SEMG2: variants seen among roughly 807,000 people sequenced by gnomAD.
The protein encoded by SEMG2 is semenogelin-2.
SEMG2 carries 3 observed loss-of-function variants against 8.1 expected under a neutral mutation model. The ratio of observed to expected loss-of-function variants is 0.37; its 90% CI spans 0.17 to 0.96. The LOEUF is 0.96. SEMG2 is among the 40% of genes least tolerant of loss of function. The pLI is 0.41. For missense variants in SEMG2, 726 were observed against 671.2 expected (o/e 1.08, Z -0.90); for synonymous variants, 252 against 231.4 (o/e 1.09, Z -0.81).
chr20:45,222,240 T>C lies in SEMG2; in HGVS notation c.608T>C (p.Val203Ala). The change falls in exon 2 of 3, where the codon GTT (valine) becomes GCT (alanine). Residue 203 changes from valine (V) to alanine (A), a missense_variant. Coordinates refer to ENST00000372769, the MANE Select transcript of SEMG2 (RefSeq NM_003008.3). ...GTTCTCCAAACTGAAGAACTAGTAGTTAACAAACAACAACGTGAGACTAAA... is the reference window on the plus strand; with the variant it reads ...GTTCTCCAAACTGAAGAACTAGTAGCTAACAAACAACAACGTGAGACTAAA... Reference protein sequence around the residue: ...SYVLQTEELVVNKQQRETKNS... With the variant: ...SYVLQTEELVANKQQRETKNS... The C allele has an allele frequency of 6.2e-7, 1 of 1,614,074 alleles. No individual in the cohort carries two copies. The highest frequency in any genetic ancestry group is 8.5e-7 in the Non-Finnish European group (1 of 1,179,992).
rs745427048 is a variant in SEMG2, at chr20:45,221,908, G to T, written c.276G>T (p.Lys92Asn). Residue 92 changes from lysine to asparagine, a missense_variant, in exon 2 of 3, where the codon AAG (lysine) becomes AAT (asparagine). Physicochemically the swap from Lys to Asn is moderately conservative, Grantham distance 94. Coordinates refer to ENST00000372769, the MANE Select transcript of SEMG2 (RefSeq NM_003008.3). ...AATATGATTTGAATGCCCTACATAA[G>T]GCGACAAAATCAAAACAACACCTAG... The part of the protein sequence containing the change: ...SQQYDLNALH[K>N]ATKSKQHLGG... 3.7e-6 allele frequency: 6 copies of T among 1,613,500 alleles called. No homozygotes were observed. Among genetic ancestry groups the T allele is most frequent in the Non-Finnish European group, 5.1e-6 (6 of 1,179,866 alleles).
Position 45,222,743 on chromosome 20 carries a change from A to C in SEMG2, c.1111A>C (p.Lys371Gln). 2 of 1,614,040 alleles carry C rather than the reference A, an allele frequency of 1.2e-6. No homozygotes were observed. Among genetic ancestry groups the C allele is most frequent in the Non-Finnish European group, 1.7e-6 (2 of 1,179,996 alleles). Reference sequence around the variant, plus strand: ...AAAGGGCATCCAGAAAGGTGTATCCAAAGGCAGTATTTCGATCCAAACTGA... The same window carrying C: ...AAAGGGCATCCAGAAAGGTGTATCCCAAGGCAGTATTTCGATCCAAACTGA... ...GEKGIQKGVSKGSISIQTEEQ... is the reference protein window; with the variant it reads ...GEKGIQKGVSQGSISIQTEEQ... The change falls in exon 2 of 3, where the codon AAA becomes CAA. Residue 371 changes from lysine to glutamine, a missense_variant. Lys to Gln is a moderately conservative substitution (Grantham distance 53, BLOSUM62 1). Transcript: ENST00000372769.
chr20:45,222,967 G>A lies in SEMG2; in HGVS notation c.1335G>A (p.Lys445=), dbSNP rs1984058762. The change falls in exon 2 of 3, where the codon AAG becomes AAA. Residue 445 remains lysine (K), a synonymous_variant. Transcript: ENST00000372769. Reference sequence around the variant, plus strand: ...AAACTGAAGAGAAAATACATGGCAAGTCTCAAAACCAGGTAACAATTCCTA... The same window carrying A: ...AAACTGAAGAGAAAATACATGGCAAATCTCAAAACCAGGTAACAATTCCTA... ...SIQTEEKIHG[K]SQNQVTIPSQ... 1 of 1,613,882 alleles carries A rather than the reference G, an allele frequency of 6.2e-7. No homozygotes were observed. Among genetic ancestry groups the A allele is most frequent in the Non-Finnish European group, 8.5e-7 (1 of 1,179,980 alleles).
In SEMG2 at chr20:45,221,870, C is replaced by T. The variant is rs867576271; in HGVS notation, c.238C>T (p.Arg80Ter). Residue 80 changes from arginine to a stop codon, truncating the protein, a stop_gained, in exon 2 of 3, where the codon CGA becomes TGA. Transcript: ENST00000372769. LOFTEE classifies it low-confidence loss of function (END_TRUNC). ...AGACATCAATGATCATGACTGGACC[C>T]GAAAAAGTCAGCAATATGATTTGAA... ...HVDINDHDWT[R>*]KSQQYDLNAL... The T allele has an allele frequency of 4.3e-6, 7 of 1,613,642 alleles. No homozygotes were observed. The highest frequency in any genetic ancestry group is 3.3e-5 in the Admixed American group (2 of 59,938).
Position 45,221,999 on chromosome 20 carries a change from T to A in SEMG2, c.367T>A (p.Phe123Ile), listed in dbSNP as rs765107670. The A allele has an allele frequency of 6.2e-7, 1 of 1,614,112 alleles. No individual in the cohort carries two copies. Among genetic ancestry groups the A allele is most frequent in the Non-Finnish European group, 8.5e-7 (1 of 1,180,004 alleles). ...GRDHDKSKGH[F>I]HMIVIHHKGG... ...AGACCATGATAAATCAAAAGGTCAT[T>A]TTCACATGATAGTTATACATCATAA... Residue 123 changes from phenylalanine (F) to isoleucine (I), a missense_variant, in exon 2 of 3, where the codon TTT becomes ATT. Phe to Ile is a conservative substitution (Grantham distance 21). Transcript: ENST00000372769.
chr20:45,223,958 T>G (rs1984084738), intron 2 of SEMG2, among the ~76,000 whole-genome samples: 2 of 152,184 alleles, frequency 1.3e-5, no homozygotes, highest in Admixed American at 1.3e-4. Flanking sequence ...GAAGGATTCC[T>G]GTTCAGATTG....
rs747025306 is a variant in SEMG2 at position 45,222,757 on chromosome 20, G to A, written c.1125G>A (p.Ser375=). Reference sequence around the variant, plus strand: ...AAGGTGTATCCAAAGGCAGTATTTCGATCCAAACTGAAGAGCAAATACATG... The same window carrying A: ...AAGGTGTATCCAAAGGCAGTATTTCAATCCAAACTGAAGAGCAAATACATG... ...IQKGVSKGSI[S]IQTEEQIHGK... The change falls in exon 2 of 3, where the codon TCG becomes TCA. Residue 375 remains serine, a synonymous_variant. Coordinates refer to ENST00000372769, the MANE Select transcript of SEMG2 (RefSeq NM_003008.3). 6.2e-6 allele frequency: 10 copies of A among 1,610,386 alleles called. No individual in the cohort carries two copies. The highest frequency in any genetic ancestry group is 1.6e-4 in the Middle Eastern group (1 of 6,070).
chr20:45,221,794 A>T lies in SEMG2; in HGVS notation c.162A>T (p.Gln54His). The T allele has an allele frequency of 6.2e-7, 1 of 1,614,180 alleles. No individual in the cohort carries two copies. The change falls in exon 2 of 3, where the codon CAA (glutamine) becomes CAT (histidine). Residue 54 changes from glutamine (Q) to histidine (H), a missense_variant. Physicochemically the swap from Gln to His is conservative, Grantham distance 24. Transcript: ENST00000372769. ...AGCACTATTTTGGACAAAAAGACCA[A>T]CAACATACTAAATCCAAAGGCAGTT... is the stretch of plus-strand genomic sequence containing the variant. Reference protein sequence around the residue: ...KGQHYFGQKDQQHTKSKGSFS... With the variant: ...KGQHYFGQKDHQHTKSKGSFS...
rs1714985529 is a variant in SEMG2 at position 45,222,855 on chromosome 20, A to G, written c.1223A>G (p.Tyr408Cys). Residue 408 changes from tyrosine to cysteine, a missense_variant, in exon 2 of 3, where the codon TAC becomes TGC. Physicochemically the swap from Tyr to Cys is radical, Grantham distance 194. Transcript: ENST00000372769. ...GGCCATAAGGAAAATAAAATATCATACCAATCTTCGAGTACAGAAGAAAGA... is the reference window on the plus strand; with the variant it reads ...GGCCATAAGGAAAATAAAATATCATGCCAATCTTCGAGTACAGAAGAAAGA... ...EYGHKENKIS[Y>C]QSSSTEERRL... is the part of the protein sequence containing the mutation. The G allele has an allele frequency of 1.2e-6, 2 of 1,613,896 alleles. No individual in the cohort carries two copies. Among genetic ancestry groups the G allele is most frequent in the Non-Finnish European group, 1.7e-6 (2 of 1,179,980 alleles).
rs765470719 is a variant in SEMG2 at position 45,223,387 on chromosome 20, T to C, written c.*6T>C. 2 of 1,586,600 alleles carry C rather than the reference T, an allele frequency of 1.3e-6. No homozygotes were observed. The highest frequency in any genetic ancestry group is 1.7e-5 in the Admixed American group (1 of 57,810). On this transcript the variant is annotated 3_prime_UTR_variant, in exon 2 of 3. Coordinates refer to ENST00000372769, the MANE Select transcript of SEMG2 (RefSeq NM_003008.3). The stretch of plus-strand genomic sequence containing the variant: ...GAAATCCAATATCTACATAGCCCTG[T>C]TGCTTAGCAACCACTTGAAAAGCTG...
In SEMG2 at chr20:45,222,991, T is replaced by C. The variant is rs1984059482; in HGVS notation, c.1359T>C (p.Pro453=). The change falls in exon 2 of 3, where the codon CCT becomes CCC. Residue 453 remains proline (P), a synonymous_variant. Transcript: ENST00000372769. ...HGKSQNQVTI[P]SQDQEHGHKE... is the part of the protein sequence containing the mutation. ...AGTCTCAAAACCAGGTAACAATTCC[T>C]AGTCAAGATCAAGAGCATGGCCATA... 2.5e-6 allele frequency: 4 copies of C among 1,613,996 alleles called. No homozygotes were observed. The highest frequency in any genetic ancestry group is 1.6e-4 in the Middle Eastern group (1 of 6,062).
chr20:45,223,734 A>T (rs1984080266), intron 2 of SEMG2, among the ~76,000 whole-genome samples: 1 of 152,218 alleles, frequency 6.6e-6, no homozygotes, highest in Non-Finnish European at 1.5e-5. Flanking sequence ...TTATGAGTTT[A>T]TGGTATACTC....
chr20:45,222,183 G>C lies in SEMG2; in HGVS notation c.551G>C (p.Gly184Ala). The C allele has an allele frequency of 6.2e-7, 1 of 1,614,156 alleles. No individual in the cohort carries two copies. The highest frequency in any genetic ancestry group is 1.1e-5 in the South Asian group (1 of 91,084). Residue 184 changes from glycine to alanine, a missense_variant, in exon 2 of 3, where the codon GGT becomes GCT. By Grantham distance (60) the Gly-to-Ala change is moderately conservative. Coordinates refer to ENST00000372769, the MANE Select transcript of SEMG2 (RefSeq NM_003008.3). ...EQASASGAQK[G>A]RTQGGSQSSY... ...GCTTCAGCCTCTGGTGCACAAAAAG[G>C]TAGAACACAAGGTGGATCCCAAAGC...
In SEMG2 at chr20:45,222,546, T is replaced by C. The variant is rs1984045756; in HGVS notation, c.914T>C (p.Val305Ala). ...CAACTTCACCATGGAGAAAAGAGTG[T>C]ACAGAAAGATGTATCCAAAGGCAGC... The part of the protein sequence containing the change: ...ERQLHHGEKS[V>A]QKDVSKGSIS... The change falls in exon 2 of 3, where the codon GTA becomes GCA. Residue 305 changes from valine (V) to alanine (A), a missense_variant. Coordinates refer to ENST00000372769, the MANE Select transcript of SEMG2 (RefSeq NM_003008.3). 1 of 1,614,076 alleles carries C rather than the reference T, an allele frequency of 6.2e-7. No individual in the cohort carries two copies. The highest frequency in any genetic ancestry group is 8.5e-7 in the Non-Finnish European group (1 of 1,180,002).
intron 1 of SEMG2, 51 bp downstream of exon 1, chr20:45,221,516 C>G (rs1308959599): frequency 1.2e-6 from 2 of 1,602,408 alleles, no homozygotes; most frequent in Admixed American, 3.4e-5. Context: ...AAAATGGCCT[C>G]TAAGGATATT....
rs758239329 is a variant in SEMG2 at position 45,222,003 on chromosome 20, A to G, written c.371A>G (p.His124Arg). The change falls in exon 2 of 3, where the codon CAC becomes CGC. Residue 124 changes from histidine (H) to arginine (R), a missense_variant. Transcript: ENST00000372769. The part of the protein sequence containing the change: ...RDHDKSKGHF[H>R]MIVIHHKGGQ... ...CATGATAAATCAAAAGGTCATTTTC[A>G]CATGATAGTTATACATCATAAAGGA... is the stretch of plus-strand genomic sequence containing the variant. 9 of 1,614,022 alleles carry G rather than the reference A, an allele frequency of 5.6e-6. No homozygotes were observed. The South Asian group carries it at 6.6e-5, about 12-fold the overall frequency.
rs1258362154 is a variant in SEMG2 at position 45,221,876 on chromosome 20, AG to A, written c.245del (p.Ser82IlefsTer6). 1 of 1,614,060 alleles carries A rather than the reference AG, an allele frequency of 6.2e-7. No homozygotes were observed. Among genetic ancestry groups the A allele is most frequent in the Non-Finnish European group, 8.5e-7 (1 of 1,179,992 alleles). ...CAATGATCATGACTGGACCCGAAAA[AG>A]TCAGCAATATGATTTGAATGCCCTA... is the stretch of plus-strand genomic sequence containing the variant. ...DINDHDWTRKSQQYDLNALHK... is the reference protein window; with the variant it reads ...DINDHDWTRKXQQYDLNALHK... On this transcript the variant is annotated frameshift_variant, in exon 2 of 3. Coordinates refer to ENST00000372769, the MANE Select transcript of SEMG2 (RefSeq NM_003008.3). LOFTEE classifies it low-confidence loss of function (END_TRUNC).
Position 45,223,994 on chromosome 20 carries a change from G to A in SEMG2, c.*45-297G>A, listed in dbSNP as rs114515738. On this transcript the variant is annotated intron_variant, in intron 2 of 2. Transcript: ENST00000372769. ...TGAAAAAGGAAGTGGAAATGGAGGTGCAGGAGATGCTGAGAGATCTCAGGT... is the reference window on the plus strand; with the variant it reads ...TGAAAAAGGAAGTGGAAATGGAGGTACAGGAGATGCTGAGAGATCTCAGGT... Among the ~76,000 whole-genome samples the A allele has an allele frequency of 2.8e-3, 432 of 152,316 alleles. 3 individuals carry two copies. The highest frequency in any genetic ancestry group is 9.8e-3 in the African/African-American group (408 of 41,570).
At position 45,222,751 on chromosome 20, in the gene SEMG2, T is replaced by A; in HGVS notation, c.1119T>A (p.Ser373Arg). The A allele has an allele frequency of 6.2e-7, 1 of 1,612,954 alleles. No individual in the cohort carries two copies. Among genetic ancestry groups the A allele is most frequent in the Non-Finnish European group, 8.5e-7 (1 of 1,179,718 alleles). ...TCCAGAAAGGTGTATCCAAAGGCAG[T>A]ATTTCGATCCAAACTGAAGAGCAAA... ...KGIQKGVSKG[S>R]ISIQTEEQIH... The change falls in exon 2 of 3, where the codon AGT becomes AGA. Residue 373 changes from serine to arginine, a missense_variant. By Grantham distance (110) the Ser-to-Arg change is moderately radical. Transcript: ENST00000372769.
Sources: gnomAD v4.1 joint callset for allele counts (sites outside exome capture counted in the v4.1 genomes callset) on GRCh38, gnomAD v4.1.1 for gene constraint, MANE v1.5 for transcripts, NCBI Gene and HGNC (gene_info 2026-07-23, HGNC 2026-07-21) for gene names.